DIP2C: variants seen among roughly 807,000 people sequenced by gnomAD.
DIP2C encodes DIP2 acetate--CoA ligase C (putative).
In DIP2C, 33 loss-of-function variants were observed where a neutral mutation model predicts 192.4. The observed-to-expected ratio is 0.17, with a 90% CI of 0.13 to 0.23. DIP2C has a LOEUF of 0.23. DIP2C is among the 10% of genes least tolerant of loss of function. DIP2C has a pLI of 1.00. For missense variants in DIP2C, 1,537 were observed against 2,110.1 expected, an observed-to-expected ratio of 0.73 and a Z score of 5.32; for synonymous variants, 979 against 864.1, an observed-to-expected ratio of 1.13 and a Z score of -2.33.
chr10:425,388 C>A (rs544917451), intron 4 of DIP2C, among the ~76,000 whole-genome samples: 1 of 145,084 alleles, frequency 6.9e-6, no homozygotes, highest in Non-Finnish European at 1.5e-5. Flanking sequence ...GCATGACCAG[C>A]GGTGACTAAT....
chr10:674,803 G>C (rs1259386713), intron 1 of DIP2C, among the ~76,000 whole-genome samples: 1 of 115,646 alleles, frequency 8.6e-6, no homozygotes, highest in African/African-American at 3.6e-5. Flanking sequence ...GAGAGAGAGA[G>C]AGAGAGAGAG....
At chr10:386,984 AGTC>A (rs1388705193) in intron 14 of DIP2C, among the ~76,000 whole-genome samples, 1 of 152,212 alleles carries the variant, frequency 6.6e-6, no homozygotes, top group African/African-American at 2.4e-5. Context: ...ACTGTGAGAC[AGTC>A]GTTTCCCTAC....
At chr10:388,659 T>G (rs1278258183) in intron 13 of DIP2C, among the ~76,000 whole-genome samples, 1 of 152,112 alleles carries the variant, frequency 6.6e-6, no homozygotes, top group Non-Finnish European at 1.5e-5. Flanking sequence ...GTGTGAAAAC[T>G]CCATGGCCAA....
At chr10:438,656 G>A (rs1589798629) in intron 4 of DIP2C, among the ~76,000 whole-genome samples, 2 of 150,922 alleles carry the variant, frequency 1.3e-5, no homozygotes, top group African/African-American at 4.9e-5. Context: ...ATGCCTGGCT[G>A]ATTTCTGTAT....
intron 18 of DIP2C, 128 bp downstream of exon 18, chr10:369,366 G>A (rs1589629849): frequency 5.9e-6 from 7 of 1,187,060 alleles, no homozygotes; most frequent in Non-Finnish European, 6.8e-6. Flanking sequence ...CAGAAGACTG[G>A]GAGTGAGGCT....
In DIP2C at chr10:325,036, A is replaced by T. The variant is rs72653038; in HGVS notation, c.3924+1970T>A. 5.3e-3 allele frequency: 2,649 copies of T among 497,900 alleles called. 74 individuals are homozygous for T. The highest frequency in any genetic ancestry group is 0.037 in the Admixed American group (1,657 of 44,362). 30.8% of individuals were successfully genotyped at this position (497,900 alleles called of 1,614,324 possible). On this transcript the variant is annotated intron_variant, in intron 31 of 36. Transcript: ENST00000280886. ...ATCCCAGCACTTTAGGAGGCAAAGG[A>T]AGGCGGATCATGAGGTCAGGAGATC...
intron 1 of DIP2C, among the ~76,000 whole-genome samples, chr10:547,826 T>TCC (rs756209886): frequency 6.6e-6 from 1 of 152,108 alleles, no homozygotes; most frequent in South Asian, 2.1e-4. Context: ...GCCCTGCTGT[T>TCC]CCATCGCACC....
rs562355575 is a variant in DIP2C at position 625,689 on chromosome 10, G to A, written c.85+63805C>T. Among the ~76,000 whole-genome samples the A allele has an allele frequency of 8.5e-5, 13 of 152,336 alleles. No homozygotes were observed. In the South Asian group the frequency reaches 1.2e-3, roughly 15 times the overall value. Reference sequence around the variant, plus strand: ...CTTCAATCACGGCTGAAGCAGGAACGAGCTCTTAATAGTTCCAGTAAATGC... The same window carrying A: ...CTTCAATCACGGCTGAAGCAGGAACAAGCTCTTAATAGTTCCAGTAAATGC... On this transcript the variant is annotated intron_variant, in intron 1 of 36. Coordinates refer to ENST00000280886, the MANE Select transcript of DIP2C (RefSeq NM_014974.3).
At chr10:529,848 T>C (rs1847266778) in intron 1 of DIP2C, among the ~76,000 whole-genome samples, 2 of 151,710 alleles carry the variant, frequency 1.3e-5, no homozygotes, top group African/African-American at 2.4e-5. Context: ...ATTGCGATCA[T>C]GGCTCATCGC....
chr10:559,322 TGGGGAACGCCG>T (rs145734246), intron 1 of DIP2C, among the ~76,000 whole-genome samples: 5,633 of 150,736 alleles, frequency 0.037, 153 homozygotes, highest in Non-Finnish European at 0.051. Context: ...ATGGGGGCGG[TGGGGAACGCCG>T]GGGGAACGCC....
intron 4 of DIP2C, among the ~76,000 whole-genome samples, chr10:424,172 A>G (rs1966408460): frequency 1.3e-5 from 2 of 152,172 alleles, no homozygotes; most frequent in African/African-American, 4.8e-5. Flanking sequence ...CCATCGGGTG[A>G]GAGGAGAAGT....
At chr10:554,357 TG>T in intron 1 of DIP2C, among the ~76,000 whole-genome samples, 1 of 152,352 alleles carries the variant, frequency 6.6e-6, no homozygotes, top group East Asian at 1.9e-4. Context: ...CCATCTGCAG[TG>T]GATAAATGTT....
chr10:477,090 G>GAC (rs956387465), intron 2 of DIP2C, among the ~76,000 whole-genome samples: 11 of 149,920 alleles, frequency 7.3e-5, no homozygotes, highest in African/African-American at 2.7e-4. Context: ...CTTGAGCACA[G>GAC]ACAGCAGGAG....
At chr10:343,280 C>T (rs1045210426) in intron 28 of DIP2C, among the ~76,000 whole-genome samples, 7 of 152,190 alleles carry the variant, frequency 4.6e-5, no homozygotes, top group African/African-American at 1.4e-4. Context: ...CAGAGCAAGA[C>T]TCCATCTCAA....
intron 30 of DIP2C, among the ~76,000 whole-genome samples, chr10:328,152 C>T (rs1456659893): frequency 6.6e-6 from 1 of 152,194 alleles, no homozygotes; most frequent in African/African-American, 2.4e-5. Context: ...ACGCACAGCT[C>T]GAGCTGGCTT....
chr10:411,415 T>C (rs998891415), intron 8 of DIP2C, among the ~76,000 whole-genome samples: 15 of 152,344 alleles, frequency 9.8e-5, no homozygotes, highest in Non-Finnish European at 2.1e-4. Flanking sequence ...GAATGATGTT[T>C]TACAAGTTTA....
At chr10:490,781 T>C (rs1434842797) in intron 1 of DIP2C, among the ~76,000 whole-genome samples, 5 of 152,204 alleles carry the variant, frequency 3.3e-5, no homozygotes, top group African/African-American at 9.7e-5. Flanking sequence ...CTTATGTTAT[T>C]CTCAGAGACT....
intron 1 of DIP2C, among the ~76,000 whole-genome samples, chr10:632,784 C>T (rs368270888): frequency 3.9e-4 from 44 of 112,350 alleles, no homozygotes; most frequent in African/African-American, 1.2e-3. Flanking sequence ...CCAGACCCGA[C>T]GGCCAGCACC....
chr10:415,690 A>G (rs1965582137), intron 7 of DIP2C, 79 bp downstream of exon 7: 1 of 1,564,162 alleles, frequency 6.4e-7, no homozygotes, highest in South Asian at 1.2e-5. Flanking sequence ...AAAGTAAAAT[A>G]GCCTTGCAGA....
Sources: allele counts gnomAD v4.1 joint callset (sites outside exome capture counted in the v4.1 genomes callset), GRCh38; gene constraint gnomAD v4.1.1; transcripts MANE v1.5; gene names NCBI Gene and HGNC (gene_info 2026-07-23, HGNC 2026-07-21).